Variants in SLC12A9 observed in about 807,000 individuals in gnomAD.
The protein encoded by SLC12A9 is solute carrier family 12 member 9.
Under a neutral mutation model 66.0 loss-of-function variants are expected in SLC12A9, and 55 were observed. The ratio of observed to expected loss-of-function variants is 0.83; its 90% CI spans 0.67 to 1.04. The LOEUF (loss-of-function observed/expected upper bound fraction) is 1.04. Ranked by LOEUF, SLC12A9 falls within the 50% of genes least tolerant of loss-of-function variation. The probability of loss-of-function intolerance (pLI) is 0.00; values close to 1 mark genes in which losing one functional copy is unlikely to be tolerated. For missense variants in SLC12A9, 1,061 were observed against 1,241.9 expected (o/e 0.85, Z 2.19); for synonymous variants, 577 against 569.0 (o/e 1.01, Z -0.20).
chr7:100,865,793 C>A lies in SLC12A9; in HGVS notation c.1933C>A (p.Pro645Thr). Residue 645 changes from proline (P) to threonine (T), a missense_variant, in exon 14 of 14, where the codon CCG becomes ACG. Transcript: ENST00000354161. Reference protein sequence around the residue: ...APPQDHFLTDPAFSEPADSTR... With the variant: ...APPQDHFLTDTAFSEPADSTR... ...ACCGCAGGACCATTTCCTGACGGAC[C>A]CGGCTTTCTCTGAGCCTGCAGACAG... 1 of 1,614,030 alleles carries A rather than the reference C, an allele frequency of 6.2e-7. No homozygotes were observed. The highest frequency in any genetic ancestry group is 1.1e-5 in the South Asian group (1 of 91,086).
At chr7:100,862,981 G>A (rs1814851922) in intron 13 of SLC12A9, among the ~76,000 whole-genome samples, 154 bp downstream of exon 13, 1 of 152,076 alleles carries the variant, frequency 6.6e-6, no homozygotes, top group African/African-American at 2.4e-5. Flanking sequence ...AATAGCCTCA[G>A]ACAGTGTGTG....
chr7:100,835,966 G>C (rs1378325649), intron 1 of SLC12A9, among the ~76,000 whole-genome samples: 1 of 152,246 alleles, frequency 6.6e-6, no homozygotes, highest in Non-Finnish European at 1.5e-5. Context: ...AGGGAGTGGA[G>C]TGGAAAGGTA....
At chr7:100,832,500 G>A (rs1217630940) in intron 1 of SLC12A9, among the ~76,000 whole-genome samples, 2 of 152,254 alleles carry the variant, frequency 1.3e-5, no homozygotes, top group South Asian at 2.1e-4. Context: ...GCAACAGAGC[G>A]AGACCCCATC....
intron 1 of SLC12A9, among the ~76,000 whole-genome samples, chr7:100,853,036 G>A (rs1197352486): frequency 6.6e-6 from 1 of 152,042 alleles, no homozygotes; most frequent in East Asian, 1.9e-4. Flanking sequence ...TGGGTTGGTA[G>A]AGTTTGTGGG....
In SLC12A9 at chr7:100,866,427, C is replaced by T. The variant is rs1188077242; in HGVS notation, c.2567C>T (p.Pro856Leu). The T allele has an allele frequency of 2.3e-5, 36 of 1,546,772 alleles. No individual in the cohort carries two copies. Among genetic ancestry groups the T allele is most frequent in the Non-Finnish European group, 2.8e-5 (32 of 1,145,230 alleles). ...GGCACAGGAGGAGGGCCGGGTGGGC[C>T]GGAGGGTGGGGATGCTGAGGGCCCC... ...GRGTGGGPGG[P>L]EGGDAEGPIT... Residue 856 changes from proline (P) to leucine (L), a missense_variant, in exon 14 of 14, where the codon CCG (proline) becomes CTG (leucine). Pro to Leu is a moderately conservative substitution (Grantham distance 98). Coordinates refer to ENST00000354161, the MANE Select transcript of SLC12A9 (RefSeq NM_020246.4). The surrounding 1 kb of genome is among the most constrained non-coding windows in gnomAD (Gnocchi z 7.3).
At position 100,845,388 on chromosome 7, in the gene SLC12A9, C is replaced by T. The variant is rs549001748; in HGVS notation, n.229-14497C>T. Among the ~76,000 whole-genome samples the T allele has an allele frequency of 4.6e-5, 7 of 151,796 alleles. No individual in the cohort carries two copies. In the South Asian group the frequency reaches 1.0e-3, roughly 23 times the overall value. ...TTTTTGAGACGGAGTCTTGCTCTGT[C>T]GCCCAGGCTGGAGTGCAGTGGAGCA... is the stretch of plus-strand genomic sequence containing the variant. On this transcript the variant is annotated intron_variant and non_coding_transcript_variant, in intron 1 of 1. Transcript: ENST00000461016.
chr7:100,862,545 C>T, intron 12 of SLC12A9, 136 bp from the exon 13 acceptor site: 3 of 1,043,704 alleles, frequency 2.9e-6, no homozygotes, highest in Non-Finnish European at 4.2e-6. Flanking sequence ...GACACCAGCC[C>T]CTCTGCCCCT....
chr7:100,843,538 T>C (rs1813832076), intron 1 of SLC12A9, among the ~76,000 whole-genome samples: 3 of 152,212 alleles, frequency 2.0e-5, no homozygotes, highest in Admixed American at 6.5e-5. Flanking sequence ...TAACCCAGAC[T>C]GTAGGGCCCT....
intron 1 of SLC12A9, among the ~76,000 whole-genome samples, chr7:100,838,314 G>A (rs971929463): frequency 2.0e-5 from 3 of 152,130 alleles, no homozygotes; most frequent in African/African-American, 4.8e-5. Context: ...AATGGGATTC[G>A]CAGGGAAGAT....
rs1814722974 is a variant in SLC12A9 at position 100,861,108 on chromosome 7, A to G, written c.1219-30A>G. The G allele has an allele frequency of 6.2e-7, 1 of 1,614,050 alleles. No individual in the cohort carries two copies. The highest frequency in any genetic ancestry group is 1.3e-5 in the African/African-American group (1 of 75,052). On this transcript the variant is annotated intron_variant, in intron 9 of 13. Coordinates refer to ENST00000354161, the MANE Select transcript of SLC12A9 (RefSeq NM_020246.4). This position sits in a 1 kb window ranked among gnomAD's most constrained non-coding sequence, Gnocchi z 5.3. The stretch of plus-strand genomic sequence containing the variant: ...TTTGGGGGTGCACTGGCACTTTGGA[A>G]CAACGGCACGCCTCTTGGCCCTTGC...
At chr7:100,847,363 C>T (rs1813941477) in intron 1 of SLC12A9, among the ~76,000 whole-genome samples, 2 of 152,196 alleles carry the variant, frequency 1.3e-5, no homozygotes, top group South Asian at 4.1e-4. Context: ...GTTGGTGAGT[C>T]AGGCCATCAT....
intron 3 of SLC12A9, 120 bp downstream of exon 3, chr7:100,854,874 T>C (rs1277567102): frequency 7.1e-7 from 1 of 1,407,274 alleles, no homozygotes; most frequent in East Asian, 2.3e-5. Flanking sequence ...ATTCTTAAAA[T>C]TTTTTTAGGC....
At chr7:100,844,377 G>T (rs574232513) in intron 1 of SLC12A9, among the ~76,000 whole-genome samples, 21 of 152,252 alleles carry the variant, frequency 1.4e-4, no homozygotes, top group African/African-American at 5.1e-4. Context: ...ACTGGTGGGG[G>T]CTCACAAACG....
intron 5 of SLC12A9, 137 bp downstream of exon 5, chr7:100,857,313 A>G (rs893904902): frequency 5.2e-6 from 5 of 968,326 alleles, no homozygotes; most frequent in East Asian, 2.6e-5. Flanking sequence ...GAGCAGTGCA[A>G]TTTAATTCAA....
rs376555806 is a variant in SLC12A9 at position 100,865,738 on chromosome 7, G to A, written c.1878G>A (p.Thr626=). ...CCCCAGGTGGCATGAAGCCCAACAC[G>A]TTGGTCCTAGGTTTCTACGATGACG... ...ISGLGGMKPN[T]LVLGFYDDAP... is the part of the protein sequence containing the mutation. The change falls in exon 14 of 14, where the codon ACG becomes ACA. Residue 626 remains threonine, a synonymous_variant. Coordinates refer to ENST00000354161, the MANE Select transcript of SLC12A9 (RefSeq NM_020246.4). 3.2e-5 allele frequency: 51 copies of A among 1,611,440 alleles called. 1 individual carries two copies. The South Asian group carries it at 4.5e-4, about 14-fold the overall frequency.
At chr7:100,841,125 A>G (rs925333330) in intron 1 of SLC12A9, among the ~76,000 whole-genome samples, 1 of 152,168 alleles carries the variant, frequency 6.6e-6, no homozygotes, top group Non-Finnish European at 1.5e-5. Flanking sequence ...AGAGTATTAT[A>G]TAGTAAATTG....
chr7:100,865,744 C>T lies in SLC12A9; in HGVS notation c.1884C>T (p.Val628=). The part of the protein sequence containing the change: ...GLGGMKPNTL[V]LGFYDDAPPQ... ...GTGGCATGAAGCCCAACACGTTGGT[C>T]CTAGGTTTCTACGATGACGCTCCAC... The change falls in exon 14 of 14, where the codon GTC becomes GTT. Residue 628 remains valine, a synonymous_variant. Coordinates refer to ENST00000354161, the MANE Select transcript of SLC12A9 (RefSeq NM_020246.4). The T allele has an allele frequency of 6.2e-7, 1 of 1,613,080 alleles. No individual in the cohort carries two copies. The highest frequency in any genetic ancestry group is 2.2e-5 in the East Asian group (1 of 44,840).
chr7:100,862,901 G>A, intron 13 of SLC12A9, 74 bp downstream of exon 13: 1 of 1,581,116 alleles, frequency 6.3e-7, no homozygotes, highest in Non-Finnish European at 8.6e-7. Flanking sequence ...CTCCCCTAGA[G>A]AGTCAGCCAC....
chr7:100,829,513 T>TG lies in SLC12A9; in HGVS notation n.228+2474dup, dbSNP rs568310304. ...TTCTGCCTGGGTCCTGCGCCCGGGT[T>TG]GGGGGGGGTGGGCCGGTCACCGAGG... On this transcript the variant is annotated intron_variant and non_coding_transcript_variant, in intron 1 of 1. Transcript: ENST00000461016. Among the ~76,000 whole-genome samples, 566 of 150,236 alleles carry TG rather than the reference T, an allele frequency of 3.8e-3. 5 individuals are homozygous for TG. Among genetic ancestry groups the TG allele is most frequent in the East Asian group, 0.021 (102 of 4,946 alleles).
Sources: allele counts gnomAD v4.1 joint callset (sites outside exome capture counted in the v4.1 genomes callset), GRCh38; gene constraint gnomAD v4.1.1; non-coding constraint Gnocchi (gnomAD v3.1); transcripts MANE v1.5; gene names NCBI Gene and HGNC (gene_info 2026-07-23, HGNC 2026-07-21).